The following KCNIP1 variants were observed in gnomAD, a reference collection of about 807,000 sequenced individuals.
The protein encoded by KCNIP1 is potassium voltage-gated channel interacting protein 1.
Under a neutral mutation model 33.0 loss-of-function variants are expected in KCNIP1, and 18 were observed. That is an observed-to-expected ratio of 0.55 (90% CI 0.38 to 0.81). The LOEUF (loss-of-function observed/expected upper bound fraction) is 0.81, where lower values mean the gene tolerates loss of function less well. Ranked by LOEUF, KCNIP1 falls within the 30% of genes least tolerant of loss-of-function variation. The pLI, the probability that KCNIP1 is intolerant of heterozygous loss-of-function variation, is 0.00. For missense variants in KCNIP1, 238 were observed against 271.6 expected (o/e 0.88, Z 0.87); for synonymous variants, 93 against 98.3 (o/e 0.95, Z 0.32).
chr5:170,670,907 A>AT (rs1554109764), intron 1 of KCNIP1, among the ~76,000 whole-genome samples: 42 of 131,642 alleles, frequency 3.2e-4, no homozygotes, highest in South Asian at 2.8e-3. Flanking sequence ...AAAAACAAAA[A>AT]AAAAAATAAA....
At chr5:170,414,244 C>G (rs576194024) in intron 1 of KCNIP1, among the ~76,000 whole-genome samples, 2 of 152,192 alleles carry the variant, frequency 1.3e-5, no homozygotes, top group Non-Finnish European at 2.9e-5. Flanking sequence ...GCAATCAACC[C>G]GATGAAGCTT....
At chr5:170,570,268 A>G (rs1309627897) in intron 1 of KCNIP1, among the ~76,000 whole-genome samples, 1 of 152,254 alleles carries the variant, frequency 6.6e-6, no homozygotes, top group Non-Finnish European at 1.5e-5. Flanking sequence ...TACCTGATCA[A>G]TGATAGCTGC....
chr5:170,553,973 G>A (rs1756750220), intron 1 of KCNIP1, among the ~76,000 whole-genome samples: 1 of 152,194 alleles, frequency 6.6e-6, no homozygotes, highest in South Asian at 2.1e-4. Context: ...CATGGCTCTT[G>A]CCCTCACACT....
intron 1 of KCNIP1, among the ~76,000 whole-genome samples, chr5:170,605,004 A>G (rs1304473695): frequency 6.6e-6 from 1 of 152,268 alleles, no homozygotes. Context: ...GAAAGGACTC[A>G]GGCACATGTC....
chr5:170,384,689 T>C (rs1324533458), intron 1 of KCNIP1, among the ~76,000 whole-genome samples: 1 of 152,218 alleles, frequency 6.6e-6, no homozygotes, highest in Non-Finnish European at 1.5e-5. Context: ...ACTGAGTGTC[T>C]TTGTTCCAAA....
chr5:170,587,795 A>G (rs2113539074), intron 1 of KCNIP1, among the ~76,000 whole-genome samples: 1 of 152,368 alleles, frequency 6.6e-6, no homozygotes, highest in East Asian at 1.9e-4. Context: ...TCACATCTGC[A>G]AAATCTCTCT....
intron 1 of KCNIP1, among the ~76,000 whole-genome samples, chr5:170,398,717 G>A (rs1355468767): frequency 6.6e-6 from 1 of 152,218 alleles, no homozygotes; most frequent in Admixed American, 6.5e-5. Context: ...TGCTCTAAGT[G>A]GTTCAGGTCA....
At chr5:170,661,806 G>A (rs1761503693) in intron 1 of KCNIP1, among the ~76,000 whole-genome samples, 1 of 152,232 alleles carries the variant, frequency 6.6e-6, no homozygotes, top group Admixed American at 6.5e-5. Flanking sequence ...TATCGATGCT[G>A]TGCTGAATGC....
intron 1 of KCNIP1, among the ~76,000 whole-genome samples, chr5:170,596,926 G>A (rs1581377073): frequency 6.6e-6 from 1 of 152,366 alleles, no homozygotes; most frequent in South Asian, 2.1e-4. Context: ...CTCACGCTGA[G>A]TGAGCACTGG....
At chr5:170,491,636 T>C (rs1385364913) in intron 1 of KCNIP1, among the ~76,000 whole-genome samples, 1 of 152,176 alleles carries the variant, frequency 6.6e-6, no homozygotes, top group Non-Finnish European at 1.5e-5. Context: ...GGGCATTTAG[T>C]AAAGGGGAAG....
At position 170,538,878 on chromosome 5, in the gene KCNIP1, C is replaced by A. The variant is rs1324317868; in HGVS notation, c.61+34245C>A. Among the ~76,000 whole-genome samples the A allele has an allele frequency of 2.0e-5, 3 of 151,734 alleles. No individual in the cohort carries two copies. The South Asian group carries it at 6.3e-4, about 32-fold the overall frequency. On this transcript the variant is annotated intron_variant, in intron 1 of 7. Transcript: ENST00000328939. ...TTGAACCAATATTATTCAATGAGTCCATTTCTGGCCACTCCTTCTCAGCTA... is the reference window on the plus strand; with the variant it reads ...TTGAACCAATATTATTCAATGAGTCAATTTCTGGCCACTCCTTCTCAGCTA...
chr5:170,628,497 T>C (rs529427854), intron 1 of KCNIP1, among the ~76,000 whole-genome samples: 1 of 152,290 alleles, frequency 6.6e-6, no homozygotes, highest in Non-Finnish European at 1.5e-5. Flanking sequence ...TGTGTGTGTG[T>C]GTGCGTTTCT....
intron 1 of KCNIP1, among the ~76,000 whole-genome samples, chr5:170,479,458 C>T (rs1271589317): frequency 6.6e-6 from 1 of 152,154 alleles, no homozygotes; most frequent in Non-Finnish European, 1.5e-5. Context: ...AAGTGCCTAT[C>T]GATGCTTAAT....
intron 1 of KCNIP1, among the ~76,000 whole-genome samples, chr5:170,701,684 G>T (rs547974616): frequency 6.6e-6 from 1 of 152,320 alleles, no homozygotes; most frequent in South Asian, 2.1e-4. Context: ...GAGCCCCAGG[G>T]CTCCCCCATG....
At chr5:170,700,258 A>T (rs183921682) in intron 1 of KCNIP1, among the ~76,000 whole-genome samples, 18 of 152,196 alleles carry the variant, frequency 1.2e-4, no homozygotes, top group African/African-American at 4.3e-4. Context: ...ACCACAGAGA[A>T]GCCTTGCGGT....
intron 1 of KCNIP1, among the ~76,000 whole-genome samples, chr5:170,444,264 C>T (rs1756057669): frequency 6.6e-6 from 1 of 152,150 alleles, no homozygotes; most frequent in African/African-American, 2.4e-5. Flanking sequence ...TGTTTCCTTG[C>T]CTTTTCCAGT....
intron 1 of KCNIP1, among the ~76,000 whole-genome samples, chr5:170,708,296 T>C (rs1396904896): frequency 6.6e-6 from 1 of 152,158 alleles, no homozygotes; most frequent in African/African-American, 2.4e-5. Context: ...AAAGATTACA[T>C]CTTCAAATGC....
At chr5:170,363,530 C>T (rs1763573032) in intron 1 of KCNIP1, among the ~76,000 whole-genome samples, 1 of 152,132 alleles carries the variant, frequency 6.6e-6, no homozygotes, top group African/African-American at 2.4e-5. Context: ...CATCAGACAC[C>T]AACCCTGCCC....
chr5:170,441,690 G>A (rs1470390785), intron 1 of KCNIP1, among the ~76,000 whole-genome samples: 2 of 152,044 alleles, frequency 1.3e-5, no homozygotes, highest in African/African-American at 4.8e-5. Flanking sequence ...AGTGGGCCGG[G>A]CGCCGTGGCT....
Sources: gnomAD v4.1 joint callset for allele counts (sites outside exome capture counted in the v4.1 genomes callset) on GRCh38, gnomAD v4.1.1 for gene constraint, MANE v1.5 for transcripts, NCBI Gene and HGNC (gene_info 2026-07-23, HGNC 2026-07-21) for gene names.